The following ESR1 variants were observed in gnomAD, a reference collection of about 807,000 sequenced individuals.
ESR1 encodes estrogen receptor.
ESR1 carries 12 observed loss-of-function variants against 52.7 expected under a neutral mutation model. The ratio of observed to expected loss-of-function variants is 0.23; its 90% confidence interval spans 0.15 to 0.37. The LOEUF is 0.37. Ranked by LOEUF, ESR1 falls within the 10% of genes least tolerant of loss-of-function variation. The pLI, the probability that ESR1 is intolerant of heterozygous loss-of-function variation, is 1.00. For synonymous variants in ESR1, 305 were observed against 316.8 expected (o/e 0.96, Z 0.39); for missense variants, 584 against 779.7 (o/e 0.75, Z 2.99).
At chr6:151,956,805 A>T (rs2036976215) in intron 4 of ESR1, among the ~76,000 whole-genome samples, 1 of 138,694 alleles carries the variant, frequency 7.2e-6, no homozygotes, top group East Asian at 2.0e-4. Context: ...TATATATGTA[A>T]ATATAAATAT....
chr6:151,680,451 A>G (rs1318682906), intron 1 of ESR1, among the ~76,000 whole-genome samples: 2 of 151,928 alleles, frequency 1.3e-5, no homozygotes, highest in Admixed American at 6.6e-5. Flanking sequence ...TGATCCACCT[A>G]CCTCGACCTC....
intron 2 of ESR1, among the ~76,000 whole-genome samples, chr6:151,749,040 T>C (rs930770681): frequency 1.3e-5 from 2 of 151,874 alleles, no homozygotes; most frequent in Non-Finnish European, 2.9e-5. Context: ...TATAGTCTAA[T>C]AAGGGGGACA....
chr6:151,673,058 C>T (rs1030448629), intron 1 of ESR1, among the ~76,000 whole-genome samples: 40 of 150,922 alleles, frequency 2.7e-4, no homozygotes, highest in Non-Finnish European at 5.2e-4. Context: ...AATCTTCTGA[C>T]CTCGTGATCC....
chr6:152,055,100 G>T (rs1256562315), intron 5 of ESR1, among the ~76,000 whole-genome samples: 2 of 152,032 alleles, frequency 1.3e-5, no homozygotes, highest in African/African-American at 4.8e-5. Context: ...TGGTCACCCA[G>T]GTTGATTCCA....
At chr6:151,720,428 A>C (rs925355677) in intron 2 of ESR1, among the ~76,000 whole-genome samples, 1 of 152,212 alleles carries the variant, frequency 6.6e-6, no homozygotes, top group Non-Finnish European at 1.5e-5. Flanking sequence ...GATATATAGC[A>C]AGTAGTATTT....
chr6:151,774,879 A>C (rs967286048), intron 2 of ESR1, among the ~76,000 whole-genome samples: 1 of 152,230 alleles, frequency 6.6e-6, no homozygotes, highest in Admixed American at 6.5e-5. Flanking sequence ...ATAACTAACT[A>C]TAAATAAAGA....
At chr6:151,756,475 T>C (rs2128087846) in intron 2 of ESR1, among the ~76,000 whole-genome samples, 1 of 152,298 alleles carries the variant, frequency 6.6e-6, no homozygotes, top group African/African-American at 2.4e-5. Context: ...CTCCAACTCC[T>C]GACCTTGGCT....
chr6:152,078,388 C>T (rs35525869), intron 6 of ESR1, among the ~76,000 whole-genome samples: 32,052 of 152,070 alleles, frequency 0.21, 4,756 homozygotes, highest in African/African-American at 0.41. Context: ...AGCCAGGGTT[C>T]ACCCCTTGAA....
At chr6:151,898,278 C>T (rs138493786) in intron 3 of ESR1, among the ~76,000 whole-genome samples, 1 of 152,068 alleles carries the variant, frequency 6.6e-6, no homozygotes, top group Admixed American at 6.5e-5. Flanking sequence ...ATTATCCCCC[C>T]AGATATGTTT....
chr6:151,954,344 G>A (rs1030446031), intron 4 of ESR1, among the ~76,000 whole-genome samples: 1 of 152,150 alleles, frequency 6.6e-6, no homozygotes, highest in African/African-American at 2.4e-5. Context: ...AAAACAAGTG[G>A]CCTTGTCCTT....
intron 2 of ESR1, among the ~76,000 whole-genome samples, chr6:151,860,530 TACAA>T (rs1348515179): frequency 6.6e-6 from 1 of 152,160 alleles, no homozygotes; most frequent in Non-Finnish European, 1.5e-5. Flanking sequence ...TGTGTGTATA[TACAA>T]ACACACAGAC....
chr6:152,060,559 ACATTATTTGAAGGCTATGAG>A (rs1211503170), intron 5 of ESR1, among the ~76,000 whole-genome samples: 1 of 152,210 alleles, frequency 6.6e-6, no homozygotes, highest in African/African-American at 2.4e-5. Flanking sequence ...AGGACTTGTT[ACATTATTTGAAGGCTATGAG>A]CATCTTCAGC....
intron 2 of ESR1, among the ~76,000 whole-genome samples, chr6:151,860,623 C>T (rs1788701829): frequency 6.6e-6 from 1 of 152,140 alleles, no homozygotes. Flanking sequence ...GACATCCTGC[C>T]ATTTGCAACA....
intron 2 of ESR1, among the ~76,000 whole-genome samples, chr6:151,779,088 T>A (rs1786289498): frequency 6.6e-6 from 1 of 152,222 alleles, no homozygotes; most frequent in African/African-American, 2.4e-5. Flanking sequence ...GCAGAAGCTC[T>A]TTAGTTTAAT....
intron 5 of ESR1, among the ~76,000 whole-genome samples, chr6:152,027,463 G>A (rs1392774967): frequency 1.3e-5 from 2 of 152,014 alleles, no homozygotes; most frequent in Admixed American, 1.3e-4. Context: ...TTATTTTCAG[G>A]AAGAGCTCAT....
chr6:151,989,993 T>C (rs1172979133), intron 4 of ESR1, among the ~76,000 whole-genome samples: 1 of 152,116 alleles, frequency 6.6e-6, no homozygotes, highest in African/African-American at 2.4e-5. Flanking sequence ...CTACAAAACA[T>C]GTAGGCTTCC....
intron 3 of ESR1, among the ~76,000 whole-genome samples, chr6:151,899,082 C>A (rs1463664573): frequency 5.9e-5 from 8 of 136,384 alleles, no homozygotes; most frequent in African/African-American, 1.8e-4. Flanking sequence ...GGGGGCTGAC[C>A]CCCCCACCTC....
At chr6:151,692,801 G>T (rs998212972) in intron 1 of ESR1, among the ~76,000 whole-genome samples, 1 of 152,118 alleles carries the variant, frequency 6.6e-6, no homozygotes, top group African/African-American at 2.4e-5. Flanking sequence ...GAGTTTTATC[G>T]TTCTATCTAA....
chr6:151,952,394 C>G (rs2036424932), intron 4 of ESR1, among the ~76,000 whole-genome samples: 1 of 152,086 alleles, frequency 6.6e-6, no homozygotes, highest in Admixed American at 6.5e-5. Context: ...TCTCCTTGGC[C>G]CACGCTTTCC....
Sources: gnomAD v4.1 joint callset for allele counts (sites outside exome capture counted in the v4.1 genomes callset) on GRCh38, gnomAD v4.1.1 for gene constraint, MANE v1.5 for transcripts, NCBI Gene and HGNC (gene_info 2026-07-23, HGNC 2026-07-21) for gene names.